SNX11: variants seen among roughly 807,000 people sequenced by gnomAD.
The protein encoded by SNX11 is sorting nexin 11, also known as sorting nexin-11.
Under a neutral mutation model 30.7 loss-of-function variants are expected in SNX11, and 19 were observed. The observed-to-expected ratio is 0.62, with a 90% CI of 0.43 to 0.91. SNX11 has a LOEUF of 0.91. Among genes scored for constraint, SNX11 ranks in the 40% least tolerant of loss-of-function variants. The probability of loss-of-function intolerance (pLI) is 0.00; values close to 1 mark genes in which losing one functional copy is unlikely to be tolerated. For synonymous variants in SNX11, 112 were observed against 119.0 expected (o/e 0.94, Z 0.38); for missense variants, 302 against 326.7 (o/e 0.92, Z 0.58).
chr17:48,111,002 G>T, intron 1 of SNX11: 5 of 777,500 alleles, frequency 6.4e-6, no homozygotes, highest in Non-Finnish European at 7.8e-6. Flanking sequence ...CTGCCACATT[G>T]GGGAAAATCA....
chr17:48,116,041 T>C (rs1326593267), intron 4 of SNX11, among the ~76,000 whole-genome samples: 1 of 151,196 alleles, frequency 6.6e-6, no homozygotes, highest in Non-Finnish European at 1.5e-5. Context: ...AGGTGGATCA[T>C]GAGGTCAGGA....
chr17:48,110,454 G>A (rs189989038), intron 1 of SNX11, among the ~76,000 whole-genome samples: 12 of 152,288 alleles, frequency 7.9e-5, no homozygotes, highest in African/African-American at 2.9e-4. Flanking sequence ...GGAGAGAATT[G>A]AAAAAGTGGT....
chr17:48,115,176 C>T (rs1756598024), intron 4 of SNX11, among the ~76,000 whole-genome samples: 1 of 151,840 alleles, frequency 6.6e-6, no homozygotes, highest in Admixed American at 6.6e-5. Flanking sequence ...ATTCTCCTGC[C>T]TCAGCTTCCC....
chr17:48,117,227 GTATTTT>G (rs1340894549), intron 4 of SNX11, among the ~76,000 whole-genome samples: 1 of 135,746 alleles, frequency 7.4e-6, no homozygotes, highest in East Asian at 2.2e-4. Flanking sequence ...GGCTAATTAT[GTATTTT>G]TATTTTTATT....
chr17:48,115,888 TC>T (rs1272510003), intron 4 of SNX11, among the ~76,000 whole-genome samples: 2 of 152,000 alleles, frequency 1.3e-5, no homozygotes, highest in Middle Eastern at 3.4e-3. Flanking sequence ...CCCTGACAAA[TC>T]CTATATCCTC....
chr17:48,115,079 T>C (rs1475589339), intron 4 of SNX11, among the ~76,000 whole-genome samples: 1 of 149,210 alleles, frequency 6.7e-6, no homozygotes, highest in Admixed American at 6.7e-5. Context: ...TTTTTTTTTT[T>C]GAGACGGAGT....
intron 1 of SNX11, among the ~76,000 whole-genome samples, chr17:48,108,972 G>A (rs895195571): frequency 6.6e-6 from 1 of 152,102 alleles, no homozygotes; most frequent in East Asian, 1.9e-4. Flanking sequence ...TTGCTCTGTC[G>A]CCCAGGCTGG....
intron 6 of SNX11, among the ~76,000 whole-genome samples, chr17:48,120,201 G>GTTTTTTTTTTTTTTTTTT (rs61680588): frequency 1.3e-5 from 1 of 74,222 alleles, no homozygotes; most frequent in Non-Finnish European, 2.4e-5. Flanking sequence ...GCATTTATCT[G>GTTTTTTTTTTTTTTTTTT]TTTTTTTTTT....
chr17:48,120,712 G>C (rs1367548855), intron 6 of SNX11, among the ~76,000 whole-genome samples: 3 of 151,282 alleles, frequency 2.0e-5, no homozygotes, highest in Admixed American at 6.6e-5. Flanking sequence ...GGGTTTCACC[G>C]TGTTAGCCAG....
At chr17:48,114,247 G>A (rs1472677256) in intron 4 of SNX11, among the ~76,000 whole-genome samples, 5 of 150,448 alleles carry the variant, frequency 3.3e-5, no homozygotes, top group African/African-American at 9.8e-5. Flanking sequence ...TCCACCTCCC[G>A]GGTTCAAGAG....
intron 3 of SNX11, 153 bp downstream of exon 3, chr17:48,112,813 C>T (rs150402479): frequency 2.7e-6 from 1 of 374,346 alleles, no homozygotes; most frequent in Non-Finnish European, 4.9e-6. Context: ...TTACTGCAAC[C>T]TCCGCCTCCC....
chr17:48,112,490 G>T, intron 2 of SNX11, 84 bp from the exon 3 acceptor site: 1 of 830,774 alleles, frequency 1.2e-6, no homozygotes, highest in Middle Eastern at 3.4e-4. Flanking sequence ...GAAAGTTGGT[G>T]TTGGGTGGAA....
At chr17:48,109,504 C>T (rs545082236) in intron 1 of SNX11, among the ~76,000 whole-genome samples, 77 of 151,918 alleles carry the variant, frequency 5.1e-4, no homozygotes, top group African/African-American at 1.8e-3. Flanking sequence ...GTATTTCGCC[C>T]GCCTCGGCCT....
chr17:48,120,080 T>C (rs11654292), intron 6 of SNX11, among the ~76,000 whole-genome samples: 23,862 of 152,150 alleles, frequency 0.16, 2,504 homozygotes, highest in African/African-American at 0.29. Context: ...TATTTTATCA[T>C]GTGTCATTAC....
At chr17:48,120,226 A>C (rs988110728) in intron 6 of SNX11, among the ~76,000 whole-genome samples, 2 of 54,518 alleles carry the variant, frequency 3.7e-5, no homozygotes, top group African/African-American at 1.5e-4. Flanking sequence ...TTTTTTTTTG[A>C]GACAGAGTCT....
At chr17:48,116,490 A>T (rs1413231210) in intron 4 of SNX11, among the ~76,000 whole-genome samples, 1 of 151,806 alleles carries the variant, frequency 6.6e-6, no homozygotes, top group African/African-American at 2.4e-5. Context: ...AGTTGTTGGG[A>T]TTACAGTTGT....
intron 1 of SNX11, among the ~76,000 whole-genome samples, chr17:48,109,828 A>G (rs1292990649): frequency 6.6e-6 from 1 of 151,884 alleles, no homozygotes; most frequent in Non-Finnish European, 1.5e-5. Context: ...GTTCATAGCT[A>G]TTTGTTTCTG....
At position 48,122,986 on chromosome 17, in the gene SNX11, A is replaced by C. The variant is rs1010228; in HGVS notation, c.*1478A>C. 0.73 allele frequency: 110,552 copies of C among 151,984 alleles called. 40,938 individuals are homozygous for C. Among genetic ancestry groups the C allele is most frequent in the Admixed American group, 0.82 (12,450 of 15,274 alleles). The allele number at this position is 151,984 out of a possible 1,614,324, so 9.4% of individuals were successfully genotyped here. ...CTGGGCGTGAACCTTGTTAGGTATA[A>C]TTTACCTGATGCTGCTTCCATCCTC... is the stretch of plus-strand genomic sequence containing the variant. On this transcript the variant is annotated 3_prime_UTR_variant, in exon 7 of 7. Transcript: ENST00000359238.
intron 6 of SNX11, among the ~76,000 whole-genome samples, chr17:48,120,507 C>CTT (rs71141968): frequency 0.64 from 44,626 of 69,552 alleles, 16,608 homozygotes; most frequent in East Asian, 0.75. Flanking sequence ...CGCACCTGGC[C>CTT]TTTTTTTTTT....
Sources: gnomAD v4.1 joint callset for allele counts (sites outside exome capture counted in the v4.1 genomes callset) on GRCh38, gnomAD v4.1.1 for gene constraint, MANE v1.5 for transcripts, NCBI Gene and HGNC (gene_info 2026-07-23, HGNC 2026-07-21) for gene names.